Variants in CCSER1 observed in about 807,000 individuals in gnomAD.
The protein encoded by CCSER1 is serine-rich coiled-coil domain-containing protein 1.
CCSER1 carries 41 observed loss-of-function variants against 82.0 expected under a neutral mutation model. That is an observed-to-expected ratio of 0.50 (90% CI 0.39 to 0.65). CCSER1 has a LOEUF of 0.65. CCSER1 is among the 30% of genes least tolerant of loss of function. CCSER1 has a pLI of 0.00. For synonymous variants in CCSER1, 414 were observed against 383.9 expected, an observed-to-expected ratio of 1.08 and a Z score of -0.92; for missense variants, 1,119 against 1,064.2, an observed-to-expected ratio of 1.05 and a Z score of -0.72.
At chr4:91,247,117 C>A (rs771683510) in intron 10 of CCSER1, among the ~76,000 whole-genome samples, 13 of 151,764 alleles carry the variant, frequency 8.6e-5, no homozygotes, top group Non-Finnish European at 1.8e-4. Flanking sequence ...CTGGCTAACA[C>A]GGTGAAACCC....
intron 7 of CCSER1, among the ~76,000 whole-genome samples, chr4:90,805,514 C>T (rs921002282): frequency 1.3e-5 from 2 of 152,142 alleles, no homozygotes; most frequent in African/African-American, 4.8e-5. Context: ...GAAAGTCATG[C>T]AGAGTCATCA....
At chr4:91,114,766 C>T (rs945958174) in intron 10 of CCSER1, among the ~76,000 whole-genome samples, 7 of 152,202 alleles carry the variant, frequency 4.6e-5, no homozygotes, top group African/African-American at 1.7e-4. Flanking sequence ...TCTCATCAGA[C>T]TAACCTTTCT....
chr4:91,177,254 C>G (rs370285581), intron 10 of CCSER1, among the ~76,000 whole-genome samples: 2 of 152,288 alleles, frequency 1.3e-5, no homozygotes. Context: ...CATTGATGTT[C>G]ATCAGGGATA....
At chr4:91,573,672 GCTTTGCTTTT>G (rs1763302013) in intron 10 of CCSER1, among the ~76,000 whole-genome samples, 1 of 152,164 alleles carries the variant, frequency 6.6e-6, no homozygotes, top group South Asian at 2.1e-4. Flanking sequence ...CCGTTGCCCT[GCTTTGCTTTT>G]CTTTGTTTTC....
At chr4:90,542,165 A>C (rs1281682422) in intron 5 of CCSER1, among the ~76,000 whole-genome samples, 3 of 152,094 alleles carry the variant, frequency 2.0e-5, no homozygotes, top group African/African-American at 7.2e-5. Flanking sequence ...AAAAGCAAAA[A>C]AATTTAAAAG....
chr4:90,518,207 A>G lies in CCSER1; in HGVS notation c.1724+49853A>G, dbSNP rs931132205. ...AAATTTTTCCACAGAGGTGCCACCAATTTGGTTTTACCTCCTAATGGATAA... is the reference window on the plus strand; with the variant it reads ...AAATTTTTCCACAGAGGTGCCACCAGTTTGGTTTTACCTCCTAATGGATAA... On this transcript the variant is annotated intron_variant, in intron 5 of 10. Transcript: ENST00000509176. Among the ~76,000 whole-genome samples, 5 of 152,202 alleles carry G rather than the reference A, an allele frequency of 3.3e-5. No individual in the cohort carries two copies. The East Asian group carries it at 9.6e-4, about 29-fold the overall frequency.
chr4:90,752,600 G>A (rs958507723), intron 7 of CCSER1, among the ~76,000 whole-genome samples: 9 of 151,932 alleles, frequency 5.9e-5, no homozygotes, highest in East Asian at 1.9e-4. Flanking sequence ...AGGTGAAAGC[G>A]TTCGAGTTTG....
chr4:91,556,572 TGA>T (rs1258532985), intron 10 of CCSER1, among the ~76,000 whole-genome samples: 1 of 150,848 alleles, frequency 6.6e-6, no homozygotes, highest in South Asian at 2.1e-4. Flanking sequence ...GGCAAAAAAA[TGA>T]GTGTTCAAAA....
At chr4:90,662,107 T>C (rs867845050) in intron 6 of CCSER1, among the ~76,000 whole-genome samples, 13 of 151,694 alleles carry the variant, frequency 8.6e-5, no homozygotes, top group African/African-American at 2.9e-4. Context: ...CACGTGATTC[T>C]CCTGCCTCAG....
intron 10 of CCSER1, among the ~76,000 whole-genome samples, chr4:91,175,743 G>A (rs2149014371): frequency 6.6e-6 from 1 of 152,278 alleles, no homozygotes; most frequent in Admixed American, 6.5e-5. Flanking sequence ...CAGATGGGTA[G>A]ATGGTAAAAA....
intron 7 of CCSER1, among the ~76,000 whole-genome samples, chr4:90,738,406 C>T (rs1202882537): frequency 2.0e-5 from 3 of 151,998 alleles, no homozygotes; most frequent in Admixed American, 6.6e-5. Flanking sequence ...TAGGGTCAGG[C>T]GAATTTTTTT....
At chr4:90,438,588 A>T (rs1759388826) in intron 4 of CCSER1, among the ~76,000 whole-genome samples, 1 of 152,196 alleles carries the variant, frequency 6.6e-6, no homozygotes, top group African/African-American at 2.4e-5. Flanking sequence ...TAAATCATGC[A>T]CTTAGACAAC....
intron 6 of CCSER1, among the ~76,000 whole-genome samples, chr4:90,664,163 T>C (rs1415791765): frequency 6.6e-6 from 1 of 152,220 alleles, no homozygotes; most frequent in African/African-American, 2.4e-5. Flanking sequence ...ATGAGTATGA[T>C]AGAAATTTCA....
At chr4:90,332,686 CAT>C (rs769250509) in intron 3 of CCSER1, among the ~76,000 whole-genome samples, 1 of 152,108 alleles carries the variant, frequency 6.6e-6, no homozygotes, top group African/African-American at 2.4e-5. Flanking sequence ...ATAAAACAAA[CAT>C]ATATTATCTA....
At chr4:91,318,322 A>G (rs1422138631) in intron 10 of CCSER1, among the ~76,000 whole-genome samples, 1 of 151,972 alleles carries the variant, frequency 6.6e-6, no homozygotes, top group Non-Finnish European at 1.5e-5. Flanking sequence ...TAAGTCTGTA[A>G]AGTTTCATTA....
intron 10 of CCSER1, among the ~76,000 whole-genome samples, chr4:91,267,132 G>C (rs981885897): frequency 6.6e-5 from 10 of 152,152 alleles, no homozygotes; most frequent in Non-Finnish European, 1.2e-4. Context: ...GGTAGGTAAA[G>C]TTAAAAAGTA....
intron 5 of CCSER1, among the ~76,000 whole-genome samples, chr4:90,554,374 A>G (rs1579128521): frequency 6.6e-6 from 1 of 152,210 alleles, no homozygotes; most frequent in Non-Finnish European, 1.5e-5. Flanking sequence ...GTCTCAAAAG[A>G]AAAAAAGAAA....
In CCSER1 at chr4:91,134,891, C is replaced by T. The variant is rs537934405; in HGVS notation, c.2217+48897C>T. Among the ~76,000 whole-genome samples, 95 of 152,078 alleles carry T rather than the reference C, an allele frequency of 6.2e-4. 1 individual carries two copies. Among genetic ancestry groups the T allele is most frequent in the Non-Finnish European group, 9.1e-4 (62 of 67,974 alleles). On this transcript the variant is annotated intron_variant, in intron 10 of 10. Coordinates refer to ENST00000509176, the MANE Select transcript of CCSER1 (RefSeq NM_001145065.2). ...CCTGGCCAACATGGTGAAACCCCAT[C>T]TCTACTAAAAATACAAAAATTAGCT... is the stretch of plus-strand genomic sequence containing the variant.
At chr4:91,304,805 G>C (rs977910343) in intron 10 of CCSER1, among the ~76,000 whole-genome samples, 1 of 151,918 alleles carries the variant, frequency 6.6e-6, no homozygotes, top group Non-Finnish European at 1.5e-5. Flanking sequence ...ATAAAACTAC[G>C]TATGCCTTCT....
Sources: gnomAD v4.1 joint callset for allele counts (sites outside exome capture counted in the v4.1 genomes callset) on GRCh38, gnomAD v4.1.1 for gene constraint, MANE v1.5 for transcripts, NCBI Gene and HGNC (gene_info 2026-07-23, HGNC 2026-07-21) for gene names.